LRRIQ3: variants seen among roughly 807,000 people sequenced by gnomAD.
The protein encoded by LRRIQ3 is leucine-rich repeat and IQ domain-containing protein 3.
In LRRIQ3, 75 loss-of-function variants were observed where a neutral mutation model predicts 59.3. That is an observed-to-expected ratio of 1.26 (90% CI 1.05 to 1.53). The LOEUF is 1.53. LRRIQ3 is among the 40% of genes most tolerant of loss of function. The pLI is 0.00. For synonymous variants in LRRIQ3, 250 were observed against 231.3 expected, an observed-to-expected ratio of 1.08 and a Z score of -0.73; for missense variants, 831 against 710.0, an observed-to-expected ratio of 1.17 and a Z score of -1.94.
At chr1:74,080,002 G>A (rs565979974) in intron 5 of LRRIQ3, among the ~76,000 whole-genome samples, 12 of 151,650 alleles carry the variant, frequency 7.9e-5, no homozygotes, top group Admixed American at 2.6e-4. Flanking sequence ...TGTTTATCAC[G>A]ATTCTCTGAA....
intron 4 of LRRIQ3, among the ~76,000 whole-genome samples, chr1:74,123,768 T>C (rs200839596): frequency 1.3e-5 from 2 of 152,040 alleles, no homozygotes; most frequent in East Asian, 3.9e-4. Flanking sequence ...ACAATAAACA[T>C]AGGAGCACAG....
intron 3 of LRRIQ3, chr1:74,180,573 G>A: frequency 3.0e-6 from 2 of 674,994 alleles, no homozygotes; most frequent in East Asian, 3.1e-5. Flanking sequence ...CAGTTATCCA[G>A]CTTCAAAATA....
At chr1:74,029,468 G>A (rs532473283) in intron 7 of LRRIQ3, among the ~76,000 whole-genome samples, 1 of 152,164 alleles carries the variant, frequency 6.6e-6, no homozygotes, top group South Asian at 2.1e-4. Context: ...TGTGGTTTTT[G>A]TCTTTGGTTC....
chr1:74,027,122 T>A (rs1328614574), intron 7 of LRRIQ3, among the ~76,000 whole-genome samples, 153 bp from the exon 8 acceptor site: 1 of 151,932 alleles, frequency 6.6e-6, no homozygotes, highest in Non-Finnish European at 1.5e-5. Context: ...CTTGGTTATA[T>A]CATTAAACAA....
chr1:74,102,547 C>T (rs111947114), intron 5 of LRRIQ3, among the ~76,000 whole-genome samples: 2 of 151,960 alleles, frequency 1.3e-5, no homozygotes, highest in Admixed American at 6.6e-5. Flanking sequence ...GTAGCAGCTA[C>T]GAAAAGCAGG....
intron 6 of LRRIQ3, among the ~76,000 whole-genome samples, chr1:74,069,016 T>C (rs1654946202): frequency 6.6e-6 from 1 of 152,036 alleles, no homozygotes; most frequent in Non-Finnish European, 1.5e-5. Flanking sequence ...AGACAAAGTA[T>C]ATAATGAAGG....
At chr1:74,176,621 G>A (rs1024552123) in intron 3 of LRRIQ3, among the ~76,000 whole-genome samples, 2 of 139,668 alleles carry the variant, frequency 1.4e-5, no homozygotes, top group African/African-American at 5.4e-5. Context: ...ATGGATACCT[G>A]AAGCTATGTT....
At position 74,198,124 on chromosome 1, in the gene LRRIQ3, T is replaced by C; in HGVS notation, c.-129A>G. On this transcript the variant is annotated 5_prime_UTR_variant, in exon 1 of 8. Transcript: ENST00000354431. Reference sequence around the variant, plus strand: ...TAGAGAAACAAGACAACATCCAAGTTCTCCACATCATGGTTTTCCGGGCGC... The same window carrying C: ...TAGAGAAACAAGACAACATCCAAGTCCTCCACATCATGGTTTTCCGGGCGC... The C allele has an allele frequency of 9.1e-6, 13 of 1,425,094 alleles. No homozygotes were observed. Among genetic ancestry groups the C allele is most frequent in the Non-Finnish European group, 3.7e-6 (4 of 1,079,910 alleles). 88.3% of individuals were successfully genotyped at this position (1,425,094 alleles called of 1,614,324 possible).
intron 1 of LRRIQ3, among the ~76,000 whole-genome samples, chr1:74,195,868 A>C (rs986659163): frequency 6.6e-6 from 1 of 152,182 alleles, no homozygotes; most frequent in Admixed American, 6.5e-5. Flanking sequence ...CTGGTAGCTT[A>C]AGATGTTAAA....
intron 7 of LRRIQ3, among the ~76,000 whole-genome samples, chr1:74,027,907 G>A (rs1557583088): frequency 1.3e-5 from 2 of 151,928 alleles, no homozygotes; most frequent in Non-Finnish European, 2.9e-5. Context: ...GTCAGAGTGA[G>A]GAAAAACTTG....
chr1:74,158,073 A>G (rs888118579), intron 3 of LRRIQ3, among the ~76,000 whole-genome samples: 1 of 152,034 alleles, frequency 6.6e-6, no homozygotes, highest in Non-Finnish European at 1.5e-5. Context: ...TGGCATGCAA[A>G]TGTTACTAGA....
intron 1 of LRRIQ3, among the ~76,000 whole-genome samples, chr1:74,191,239 T>C (rs1650749484): frequency 6.6e-6 from 1 of 152,092 alleles, no homozygotes; most frequent in Admixed American, 6.6e-5. Context: ...ATAAATTCTG[T>C]TAGATAAATA....
Position 74,073,785 on chromosome 1 carries a change from T to C in LRRIQ3, c.997+876A>G, listed in dbSNP as rs141686831. Among the ~76,000 whole-genome samples the C allele has an allele frequency of 1.5e-3, 223 of 152,152 alleles. 2 individuals carry two copies. The highest frequency in any genetic ancestry group is 5.2e-3 in the African/African-American group (217 of 41,542). On this transcript the variant is annotated intron_variant, in intron 6 of 7. Transcript: ENST00000354431. Reference sequence around the variant, plus strand: ...GGATTAAAAAAGAAAGATTTGAATGTTTAAGAATTAGGAGAAGCCCTTGAG... The same window carrying C: ...GGATTAAAAAAGAAAGATTTGAATGCTTAAGAATTAGGAGAAGCCCTTGAG...
chr1:74,092,049 A>G (rs1646400258), intron 5 of LRRIQ3, among the ~76,000 whole-genome samples: 1 of 152,138 alleles, frequency 6.6e-6, no homozygotes, highest in Non-Finnish European at 1.5e-5. Context: ...GGCATCATTT[A>G]GAAACCTTAC....
At chr1:74,029,635 C>T (rs1023523568) in intron 7 of LRRIQ3, among the ~76,000 whole-genome samples, 22 of 151,854 alleles carry the variant, frequency 1.4e-4, no homozygotes, top group African/African-American at 1.2e-4. Flanking sequence ...TCGATGTTCA[C>T]CAGGGATATT....
chr1:74,108,612 A>T (rs1013004135), intron 5 of LRRIQ3, among the ~76,000 whole-genome samples: 2 of 151,826 alleles, frequency 1.3e-5, no homozygotes, highest in Admixed American at 6.6e-5. Flanking sequence ...CTACTCAAGC[A>T]GAGAGCCACA....
intron 1 of LRRIQ3, 74 bp downstream of exon 1, chr1:74,197,922 A>C: frequency 7.0e-6 from 2 of 285,132 alleles, no homozygotes; most frequent in Non-Finnish European, 1.3e-5. Context: ...AAAGCTGGGA[A>C]GCTAGAATGT....
At chr1:74,042,532 T>G (rs1654079684) in intron 6 of LRRIQ3, among the ~76,000 whole-genome samples, 1 of 152,100 alleles carries the variant, frequency 6.6e-6, no homozygotes, top group African/African-American at 2.4e-5. Context: ...AATATACCTG[T>G]AAGTTAGGCT....
intron 6 of LRRIQ3, among the ~76,000 whole-genome samples, chr1:74,044,714 G>T (rs1321646267): frequency 2.0e-5 from 3 of 151,910 alleles, no homozygotes; most frequent in Admixed American, 2.0e-4. Flanking sequence ...TAGACCACTA[G>T]CCAGACTAAT....
Sources: gnomAD v4.1 joint callset for allele counts (sites outside exome capture counted in the v4.1 genomes callset) on GRCh38, gnomAD v4.1.1 for gene constraint, MANE v1.5 for transcripts, NCBI Gene and HGNC (gene_info 2026-07-23, HGNC 2026-07-21) for gene names.